The following LOC128125817 variants were observed in gnomAD, a reference collection of about 807,000 sequenced individuals.
At chr1:41,620,889 C>T in the LOC128125817 span, among the ~76,000 whole-genome samples, 13 of 152,190 alleles carry the variant, frequency 8.5e-5, no homozygotes, top group East Asian at 1.9e-4. Flanking sequence ...TGCTGGGTAC[C>T]GGAGGCATTT....
the LOC128125817 span, among the ~76,000 whole-genome samples, chr1:41,621,062 C>CA: frequency 1.3e-5 from 2 of 152,206 alleles, no homozygotes; most frequent in Admixed American, 1.3e-4. Flanking sequence ...TGGGTGTTCC[C>CA]AATTGCCCTT....
At chr1:41,587,987 A>G in the LOC128125817 span, among the ~76,000 whole-genome samples, 4 of 152,210 alleles carry the variant, frequency 2.6e-5, no homozygotes, top group African/African-American at 9.7e-5. Context: ...CTTTCAACCT[A>G]TGTCCTAACC....
At chr1:41,614,360 G>C in the LOC128125817 span, among the ~76,000 whole-genome samples, 5 of 152,200 alleles carry the variant, frequency 3.3e-5, no homozygotes, top group Admixed American at 3.3e-4. Context: ...GCTCAACAGA[G>C]GGTGCAAGTC....
chr1:41,624,283 G>A, the LOC128125817 span, among the ~76,000 whole-genome samples: 7 of 152,208 alleles, frequency 4.6e-5, no homozygotes, highest in Non-Finnish European at 8.8e-5. Context: ...TGTGTTCCAT[G>A]AAAGTGTTTC....
At chr1:41,627,197 G>A in the LOC128125817 span, among the ~76,000 whole-genome samples, 8 of 152,346 alleles carry the variant, frequency 5.3e-5, no homozygotes, top group East Asian at 5.8e-4. Context: ...GGTGACTCAC[G>A]TTTGGGAGGT....
At chr1:41,593,278 C>T in the LOC128125817 span, among the ~76,000 whole-genome samples, 1 of 152,178 alleles carries the variant, frequency 6.6e-6, no homozygotes, top group Non-Finnish European at 1.5e-5. Flanking sequence ...TATGTTCTTC[C>T]CGACGTCCTA....
At chr1:41,587,534 TA>T in the LOC128125817 span, among the ~76,000 whole-genome samples, 258 of 152,342 alleles carry the variant, frequency 1.7e-3, no homozygotes, top group Admixed American at 3.1e-3. Flanking sequence ...ACAAAATGGT[TA>T]CCCTTACAAT....
chr1:41,609,430 C>T, the LOC128125817 span, among the ~76,000 whole-genome samples: 1 of 152,228 alleles, frequency 6.6e-6, no homozygotes, highest in Non-Finnish European at 1.5e-5. Context: ...TGCAAGCCTC[C>T]GTGTAGGCAC....
chr1:41,592,802 C>T, the LOC128125817 span, among the ~76,000 whole-genome samples: 2 of 152,204 alleles, frequency 1.3e-5, no homozygotes, highest in Admixed American at 6.5e-5. Flanking sequence ...TCAGGGTATC[C>T]CACAGCATTG....
the LOC128125817 span, among the ~76,000 whole-genome samples, chr1:41,598,833 A>ATTTG: frequency 6.6e-6 from 1 of 151,766 alleles, no homozygotes; most frequent in Non-Finnish European, 1.5e-5. Flanking sequence ...TTATTTATTT[A>ATTTG]GGGACAGGAT....
chr1:41,624,495 C>T, the LOC128125817 span, among the ~76,000 whole-genome samples: 4 of 152,240 alleles, frequency 2.6e-5, no homozygotes, highest in East Asian at 1.9e-4. Flanking sequence ...TGACCTTCAC[C>T]GTTGAAATGT....
chr1:41,594,931 G>C, the LOC128125817 span, among the ~76,000 whole-genome samples: 2 of 152,100 alleles, frequency 1.3e-5, no homozygotes, highest in Non-Finnish European at 2.9e-5. Flanking sequence ...TAAAGATAAA[G>C]CTTAAGTTTT....
chr1:41,596,964 T>G, the LOC128125817 span, among the ~76,000 whole-genome samples: 19 of 152,280 alleles, frequency 1.2e-4, no homozygotes, highest in Non-Finnish European at 2.6e-4. Context: ...AGGGCTGAGT[T>G]TCTTGTTAAC....
At chr1:41,604,253 C>G in the LOC128125817 span, among the ~76,000 whole-genome samples, 1 of 151,848 alleles carries the variant, frequency 6.6e-6, no homozygotes, top group African/African-American at 2.4e-5. Context: ...TTCATGATAG[C>G]CAAAAAAACT....
At chr1:41,593,612 T>G in the LOC128125817 span, among the ~76,000 whole-genome samples, 1 of 152,224 alleles carries the variant, frequency 6.6e-6, no homozygotes. Context: ...AAGCAGAAAT[T>G]TACACTTCCG....
At chr1:41,590,247 C>T in the LOC128125817 span, among the ~76,000 whole-genome samples, 9 of 152,322 alleles carry the variant, frequency 5.9e-5, no homozygotes, top group South Asian at 1.2e-3. Context: ...AAGGTCAAGG[C>T]GGAGCTCTGG....
the LOC128125817 span, among the ~76,000 whole-genome samples, chr1:41,624,789 A>G: frequency 6.6e-6 from 1 of 152,200 alleles, no homozygotes; most frequent in Non-Finnish European, 1.5e-5. Context: ...TGCCCAGATA[A>G]TGTTGAACTG....
At chr1:41,610,077 A>G in the LOC128125817 span, among the ~76,000 whole-genome samples, 1 of 152,096 alleles carries the variant, frequency 6.6e-6, no homozygotes, top group African/African-American at 2.4e-5. Flanking sequence ...TCCTTCCTGG[A>G]TCTCCAGCCT....
the LOC128125817 span, among the ~76,000 whole-genome samples, chr1:41,611,834 C>T: frequency 1.3e-5 from 2 of 152,208 alleles, no homozygotes; most frequent in South Asian, 2.1e-4. Flanking sequence ...GGGGACCTTT[C>T]CCGCCCTGAC....
Sources: allele counts gnomAD v4.1 joint callset (sites outside exome capture counted in the v4.1 genomes callset), GRCh38; gene constraint gnomAD v4.1.1; transcripts MANE v1.5.